DOCK8: variants seen among roughly 807,000 people sequenced by gnomAD.
The protein encoded by DOCK8 is dedicator of cytokinesis protein 8.
Under a neutral mutation model 245.6 loss-of-function variants are expected in DOCK8, and 141 were observed. The observed-to-expected ratio is 0.57, with a 90% CI of 0.50 to 0.66. The LOEUF is 0.66. Ranked by LOEUF, DOCK8 falls within the 30% of genes least tolerant of loss-of-function variation. The pLI is 0.00. For synonymous variants in DOCK8, 1,168 were observed against 970.2 expected (o/e 1.20, Z -3.79); for missense variants, 2,965 against 2,603.4 (o/e 1.14, Z -3.02).
intron 8 of DOCK8, 108 bp from the exon 9 acceptor site, chr9:327,914 T>G: frequency 9.6e-7 from 1 of 1,037,844 alleles, no homozygotes; most frequent in South Asian, 1.3e-5. Flanking sequence ...ATTATTACAC[T>G]TACTCCTTCA....
chr9:417,467 A>G (rs2056078318), intron 29 of DOCK8, among the ~76,000 whole-genome samples: 1 of 152,234 alleles, frequency 6.6e-6, no homozygotes, highest in Admixed American at 6.5e-5. Context: ...TGAATGTTTT[A>G]CCACACTTTT....
chr9:261,057 G>A (rs1165476961), intron 1 of DOCK8, among the ~76,000 whole-genome samples: 2 of 149,220 alleles, frequency 1.3e-5, no homozygotes, highest in Non-Finnish European at 3.0e-5. Context: ...CTGCACTCCA[G>A]CCTGGGCGAC....
chr9:283,532 A>T (rs2048681246), intron 2 of DOCK8, among the ~76,000 whole-genome samples: 1 of 152,132 alleles, frequency 6.6e-6, no homozygotes, highest in South Asian at 2.1e-4. Context: ...TCAGGAATCT[A>T]GCATCCCTCA....
intron 2 of DOCK8, among the ~76,000 whole-genome samples, chr9:279,239 G>A (rs557363): frequency 0.58 from 88,588 of 151,998 alleles, 26,119 homozygotes; most frequent in East Asian, 0.74. Flanking sequence ...TGCCAGGAAA[G>A]TTGAGTTAGT....
intron 7 of DOCK8, among the ~76,000 whole-genome samples, chr9:324,842 A>T (rs933177990): frequency 6.6e-6 from 1 of 152,168 alleles, no homozygotes. Flanking sequence ...TTTTATTTCA[A>T]TGGCTTTAGG....
At position 396,805 on chromosome 9, in the gene DOCK8, C is replaced by G. The variant is rs190559109; in HGVS notation, c.2991C>G (p.His997Gln). 1 of 1,614,090 alleles carries G rather than the reference C, an allele frequency of 6.2e-7. No homozygotes were observed. Reference sequence around the variant, plus strand: ...CGCAGGTGAAAAGCATGGCCCAGCACGTACATAACATGGACAAACGGGACA... The same window carrying G: ...CGCAGGTGAAAAGCATGGCCCAGCAGGTACATAACATGGACAAACGGGACA... ...FELLVKSMAQ[H>Q]VHNMDKRDSF... The change falls in exon 25 of 48, where the codon CAC becomes CAG. Residue 997 changes from histidine (H) to glutamine (Q), a missense_variant. This residue lies in a region of DOCK8 where 2,825 missense variants were observed against 2,453.5 expected (regional missense o/e 1.15). Transcript: ENST00000432829.
intron 7 of DOCK8, among the ~76,000 whole-genome samples, chr9:318,628 C>T (rs1220075630): frequency 2.6e-5 from 4 of 152,178 alleles, no homozygotes; most frequent in Non-Finnish European, 4.4e-5. Flanking sequence ...GCCTTTTGTA[C>T]GGAGAAATGA....
At chr9:459,042 T>G (rs1358674384) in intron 46 of DOCK8, among the ~76,000 whole-genome samples, 1 of 152,224 alleles carries the variant, frequency 6.6e-6, no homozygotes, top group East Asian at 1.9e-4. Flanking sequence ...AAGAAAATAC[T>G]TGTGTTCGGT....
intron 28 of DOCK8, among the ~76,000 whole-genome samples, chr9:410,846 A>ATC: frequency 6.6e-6 from 1 of 152,236 alleles, no homozygotes; most frequent in African/African-American, 2.4e-5. Context: ...AGAAAAAAGG[A>ATC]AGAAGACTCA....
At chr9:457,527 G>A (rs1305300872) in intron 46 of DOCK8, among the ~76,000 whole-genome samples, 1 of 152,190 alleles carries the variant, frequency 6.6e-6, no homozygotes, top group Non-Finnish European at 1.5e-5. Context: ...GTCTATCCAT[G>A]ATTTGTCTGT....
intron 14 of DOCK8, among the ~76,000 whole-genome samples, chr9:364,451 G>A (rs1536612): frequency 0.32 from 48,891 of 151,706 alleles, 9,585 homozygotes; most frequent in African/African-American, 0.55. Context: ...TGGGCACCAT[G>A]GTGAGACCCT....
intron 24 of DOCK8, among the ~76,000 whole-genome samples, chr9:394,690 C>T (rs113280802): frequency 1.1e-4 from 17 of 152,338 alleles, no homozygotes; most frequent in African/African-American, 4.1e-4. Flanking sequence ...TCACTCAGGA[C>T]ATGAAGTTCC....
At chr9:445,131 C>T (rs1314927747) in intron 43 of DOCK8, among the ~76,000 whole-genome samples, 7 of 152,230 alleles carry the variant, frequency 4.6e-5, no homozygotes. Flanking sequence ...AAGAGTTTAA[C>T]TAATCTTCAG....
chr9:382,497 G>T lies in DOCK8; in HGVS notation c.2606-16G>T. 4 of 1,613,272 alleles carry T rather than the reference G, an allele frequency of 2.5e-6. No individual in the cohort carries two copies. The highest frequency in any genetic ancestry group is 3.4e-6 in the Non-Finnish European group (4 of 1,179,846). The stretch of plus-strand genomic sequence containing the variant: ...TTCCCCTGTCTGTTGACATGTCTCT[G>T]CCTGGTGGGGTGCAGGCGCTCCCAC... On this transcript the variant is annotated splice_polypyrimidine_tract_variant and intron_variant, in intron 21 of 47. Transcript: ENST00000432829.
At chr9:444,633 G>A (rs2057196930) in intron 43 of DOCK8, among the ~76,000 whole-genome samples, 1 of 152,162 alleles carries the variant, frequency 6.6e-6, no homozygotes, top group African/African-American at 2.4e-5. Context: ...AGGTCATCCA[G>A]TTCCTACCCT....
At chr9:311,154 G>T (rs547172852) in intron 5 of DOCK8, among the ~76,000 whole-genome samples, 1 of 151,970 alleles carries the variant, frequency 6.6e-6, no homozygotes, top group Non-Finnish European at 1.5e-5. Context: ...ATGTAGTGGC[G>T]GACGCCTGTA....
chr9:424,831 G>T (rs1008730444), intron 33 of DOCK8, among the ~76,000 whole-genome samples: 1 of 152,156 alleles, frequency 6.6e-6, no homozygotes, highest in African/African-American at 2.4e-5. Context: ...TATGTTAGGT[G>T]TACTTTATCA....
intron 2 of DOCK8, among the ~76,000 whole-genome samples, chr9:282,890 C>G (rs2048652196): frequency 1.3e-5 from 2 of 152,134 alleles, no homozygotes; most frequent in African/African-American, 2.4e-5. Context: ...TCCATTGCCT[C>G]TCCTTGAGTA....
chr9:446,446 A>C lies in DOCK8; in HGVS notation c.5657A>C (p.Lys1886Thr), dbSNP rs901863541. The C allele has an allele frequency of 6.2e-7, 1 of 1,614,136 alleles. No homozygotes were observed. Among genetic ancestry groups the C allele is most frequent in the African/African-American group, 1.3e-5 (1 of 74,954 alleles). ...AAAGACAGGGTCACATACTTTGAGA[A>C]GAATTTCAACCTCCGGAGGTTCATG... The part of the protein sequence containing the change: ...EMKDRVTYFE[K>T]NFNLRRFMYT... Residue 1886 changes from lysine (K) to threonine (T), a missense_variant, in exon 44 of 48, where the codon AAG (lysine) becomes ACG (threonine). Coordinates refer to ENST00000432829, the MANE Select transcript of DOCK8 (RefSeq NM_203447.4).
Sources: gnomAD v4.1 joint callset for allele counts (sites outside exome capture counted in the v4.1 genomes callset) on GRCh38, gnomAD v4.1.1 for gene constraint, gnomAD v4.1.1 regional missense constraint, MANE v1.5 for transcripts, NCBI Gene and HGNC (gene_info 2026-07-23, HGNC 2026-07-21) for gene names.